Variants in RTN4 observed in about 807,000 individuals in gnomAD.
RTN4 encodes the protein reticulon-4.
Under a neutral mutation model 90.4 loss-of-function variants are expected in RTN4, and 32 were observed. The ratio of observed to expected loss-of-function variants is 0.35; its 90% CI spans 0.27 to 0.48. The LOEUF is 0.48. Among genes scored for constraint, RTN4 ranks in the 20% least tolerant of loss-of-function variants. RTN4 has a pLI of 0.99. For missense variants in RTN4, 1,706 were observed against 1,430.2 expected (o/e 1.19, Z -3.11); for synonymous variants, 629 against 552.5 (o/e 1.14, Z -1.94).
chr2:55,094,359 G>T (rs974295679), intron 1 of RTN4, among the ~76,000 whole-genome samples: 2 of 152,190 alleles, frequency 1.3e-5, no homozygotes, highest in Non-Finnish European at 2.9e-5. Context: ...AGTCACCCAG[G>T]CTGTGCTATT....
intron 5 of RTN4, among the ~76,000 whole-genome samples, chr2:54,977,150 C>T (rs937335597): frequency 1.3e-5 from 2 of 152,190 alleles, no homozygotes; most frequent in Admixed American, 1.3e-4. Context: ...ATTACTCTGG[C>T]AGTTCTGACC....
intron 2 of RTN4, among the ~76,000 whole-genome samples, chr2:55,059,232 G>C (rs1264682956): frequency 3.3e-5 from 5 of 151,720 alleles, no homozygotes; most frequent in Non-Finnish European, 1.5e-5. Context: ...TAAGGTATTT[G>C]TTGGGACTTT....
intron 2 of RTN4, among the ~76,000 whole-genome samples, chr2:55,064,044 G>C (rs1379797939): frequency 6.6e-6 from 1 of 151,814 alleles, no homozygotes; most frequent in African/African-American, 2.4e-5. Flanking sequence ...AACAAAGTGA[G>C]ACCCTCTCTC....
chr2:55,127,211 G>C, the RTN4 span, among the ~76,000 whole-genome samples: 3 of 152,236 alleles, frequency 2.0e-5, no homozygotes, highest in Non-Finnish European at 4.4e-5. Flanking sequence ...GGTGGCCTTA[G>C]AGCCAGGAGC....
At position 55,011,680 on chromosome 2, in the gene RTN4, T is replaced by C. The variant is rs62134848; in HGVS notation, c.3013+13406A>G. On this transcript the variant is annotated intron_variant, in intron 3 of 8. Transcript: ENST00000337526. ...TTGATATTAATATATACTCCTATTA[T>C]GTACCCAAAAAAACTAAAAACAAAA... Among the ~76,000 whole-genome samples the C allele has an allele frequency of 4.6e-3, 699 of 152,200 alleles. 6 individuals are homozygous for C. The highest frequency in any genetic ancestry group is 7.3e-3 in the Non-Finnish European group (498 of 68,004).
chr2:55,044,395 G>GAAACAAACAAAC (rs745585359), intron 1 of RTN4, among the ~76,000 whole-genome samples: 2 of 151,308 alleles, frequency 1.3e-5, no homozygotes, highest in Admixed American at 1.3e-4. Flanking sequence ...TGTCTCAAAA[G>GAAACAAACAAAC]AAACAAACAA....
chr2:55,104,552 T>A (rs2902655), intron 1 of RTN4, among the ~76,000 whole-genome samples: 1 of 151,546 alleles, frequency 6.6e-6, no homozygotes, highest in Admixed American at 6.6e-5. Flanking sequence ...GATTTCACCA[T>A]GTTGACGAAG....
chr2:55,036,841 ACAT>A (rs1413588605), intron 1 of RTN4, among the ~76,000 whole-genome samples: 1 of 152,152 alleles, frequency 6.6e-6, no homozygotes, highest in East Asian at 1.9e-4. Flanking sequence ...TATGCAGCTA[ACAT>A]CATACTTAAA....
In RTN4 at chr2:55,077,083, G is replaced by T. The variant is rs527697794; in HGVS notation, c.-63+3406C>A. On this transcript the variant is annotated intron_variant, in intron 2 of 3. Transcript: ENST00000427710. ...GTTGCAGTGCAGTGGCGCGATCTCG[G>T]CTCACTTTAAGCTCTGCCTCCTGGG... Among the ~76,000 whole-genome samples the T allele has an allele frequency of 1.6e-3, 240 of 151,226 alleles. 1 individual carries two copies. The highest frequency in any genetic ancestry group is 5.5e-3 in the African/African-American group (225 of 41,182).
rs758977739 is a variant in RTN4 at position 55,027,252 on chromosome 2, G to C, written c.847C>G (p.Leu283Val). ...TCTGTTAAATCTCTATCTATGAGTA[G>C]AGTTTTTGCCTTCTCTGAGACCTCT... ...SKEVSEKAKT[L>V]LIDRDLTEFS... The change falls in exon 3 of 9, where the codon CTA becomes GTA. Residue 283 changes from leucine to valine, a missense_variant. Leu to Val is a conservative substitution (Grantham distance 32). Transcript: ENST00000337526. 1 of 1,613,748 alleles carries C rather than the reference G, an allele frequency of 6.2e-7. No homozygotes were observed. The highest frequency in any genetic ancestry group is 8.5e-7 in the Non-Finnish European group (1 of 1,179,826).
intron 5 of RTN4, among the ~76,000 whole-genome samples, chr2:54,976,304 G>C (rs1477763907): frequency 6.6e-6 from 1 of 152,168 alleles, no homozygotes; most frequent in Admixed American, 6.6e-5. Context: ...GCCACTGTAG[G>C]GGCTCAAATG....
intron 4 of RTN4, among the ~76,000 whole-genome samples, chr2:54,986,009 C>G (rs1678530568): frequency 6.6e-6 from 1 of 152,112 alleles, no homozygotes; most frequent in Admixed American, 6.6e-5. Flanking sequence ...CATTTGGGGT[C>G]AGGGTTAGGA....
chr2:55,112,362 T>C (rs191563325), intron 1 of RTN4, among the ~76,000 whole-genome samples: 2 of 152,298 alleles, frequency 1.3e-5, no homozygotes, highest in African/African-American at 4.8e-5. Context: ...CAAAGTCAAG[T>C]GGTGATTAAG....
At chr2:54,979,490 T>TA (rs1399079959) in intron 5 of RTN4, among the ~76,000 whole-genome samples, 1 of 152,224 alleles carries the variant, frequency 6.6e-6, no homozygotes, top group African/African-American at 2.4e-5. Flanking sequence ...AAGTGATTTT[T>TA]ATCAGCTTCC....
At chr2:55,118,774 C>G in the RTN4 span, among the ~76,000 whole-genome samples, 2 of 152,176 alleles carry the variant, frequency 1.3e-5, no homozygotes, top group African/African-American at 2.4e-5. Context: ...AGAGACTGCT[C>G]TCTAATGCAG....
chr2:55,043,391 CT>C (rs1683200833), intron 1 of RTN4, among the ~76,000 whole-genome samples: 1 of 152,096 alleles, frequency 6.6e-6, no homozygotes, highest in Non-Finnish European at 1.5e-5. Flanking sequence ...AGCAAAGTAC[CT>C]TAAAAAGGAA....
At chr2:55,016,796 C>T (rs894023887) in intron 3 of RTN4, among the ~76,000 whole-genome samples, 3 of 152,122 alleles carry the variant, frequency 2.0e-5, no homozygotes, top group African/African-American at 7.2e-5. Flanking sequence ...GTTATCAAGT[C>T]CTTAGAAAAA....
intron 3 of RTN4, among the ~76,000 whole-genome samples, chr2:55,014,815 T>G (rs1680912753): frequency 6.6e-6 from 1 of 152,066 alleles, no homozygotes; most frequent in Non-Finnish European, 1.5e-5. Flanking sequence ...GCACCTGGCC[T>G]CAAGCACGCA....
chr2:54,986,880 G>A (rs1190906331), intron 4 of RTN4, among the ~76,000 whole-genome samples: 1 of 152,038 alleles, frequency 6.6e-6, no homozygotes, highest in Non-Finnish European at 1.5e-5. Flanking sequence ...GGAAAAACAC[G>A]CAGAGTATGA....
Sources: allele counts gnomAD v4.1 joint callset (sites outside exome capture counted in the v4.1 genomes callset), GRCh38; gene constraint gnomAD v4.1.1; transcripts MANE v1.5; gene names NCBI Gene and HGNC (gene_info 2026-07-23, HGNC 2026-07-21).